PAK3: variants seen among roughly 807,000 people sequenced by gnomAD.
PAK3 encodes the protein serine/threonine-protein kinase PAK 3.
A neutral mutation model predicts 41.0 loss-of-function variants in PAK3; 4 were observed. The observed-to-expected ratio is 0.10, with a 90% CI of 0.05 to 0.22. The LOEUF (loss-of-function observed/expected upper bound fraction) is 0.22, where lower values mean the gene tolerates loss of function less well. PAK3 is among the 10% of genes least tolerant of loss of function. The pLI, the probability that PAK3 is intolerant of heterozygous loss-of-function variation, is 1.00. For missense variants in PAK3, 205 were observed against 409.9 expected, an observed-to-expected ratio of 0.50 and a Z score of 4.32; for synonymous variants, 146 against 139.6, an observed-to-expected ratio of 1.05 and a Z score of -0.32.
intron 1 of PAK3, among the ~76,000 whole-genome samples, chrX:111,000,408 C>A (rs907543778): frequency 2.7e-5 from 3 of 112,043 alleles, no homozygotes; most frequent in Non-Finnish European, 3.8e-5. Flanking sequence ...GCAGACAACA[C>A]CTGATTGAGG....
chrX:111,003,674 A>C (rs937474753), intron 1 of PAK3, among the ~76,000 whole-genome samples: 4 of 111,845 alleles, frequency 3.6e-5, no homozygotes, highest in African/African-American at 1.3e-4. Flanking sequence ...AATACATTTT[A>C]GCTGTGGGAG....
chrX:111,114,013 A>C (rs1249935505), intron 4 of PAK3, among the ~76,000 whole-genome samples: 1 of 111,853 alleles, frequency 8.9e-6, no homozygotes, highest in Non-Finnish European at 1.9e-5. Context: ...ATTTTTCTTA[A>C]TCCAGTCTAT....
At chrX:111,218,443 C>T (rs1469378866) in intron 17 of PAK3, among the ~76,000 whole-genome samples, 1 of 112,167 alleles carries the variant, frequency 8.9e-6, no homozygotes, top group Non-Finnish European at 1.9e-5. Context: ...TAGAGAAATA[C>T]TTCTGTTAGC....
chrX:110,952,350 GA>G (rs2090761283), intron 1 of PAK3, among the ~76,000 whole-genome samples: 1 of 111,401 alleles, frequency 9.0e-6, no homozygotes, highest in Admixed American at 9.6e-5. Flanking sequence ...GGGGAAACAT[GA>G]AAAAGTGGTG....
At chrX:111,090,006 T>C (rs1215744691) in intron 1 of PAK3, among the ~76,000 whole-genome samples, 1 of 110,653 alleles carries the variant, frequency 9.0e-6, no homozygotes, top group East Asian at 2.8e-4. Context: ...GAATTTCTAA[T>C]GTACCACAAA....
At chrX:111,023,093 C>T (rs1201030206) in intron 1 of PAK3, among the ~76,000 whole-genome samples, 1 of 110,810 alleles carries the variant, frequency 9.0e-6, no homozygotes, top group Non-Finnish European at 1.9e-5. Context: ...TCTCTGTGTC[C>T]ATGTGTTCTC....
At chrX:111,094,324 A>T (rs1194538063), upstream of PAK3, among the ~76,000 whole-genome samples, 1 of 111,987 alleles carries the variant, frequency 8.9e-6, no homozygotes. Flanking sequence ...GTAATACCAC[A>T]TTTAATTCTT....
chrX:111,014,265 G>A (rs1356294824), intron 1 of PAK3, among the ~76,000 whole-genome samples: 1 of 111,634 alleles, frequency 9.0e-6, no homozygotes, highest in East Asian at 2.8e-4. Flanking sequence ...TGTTGCAGTG[G>A]TGTTCAAAGT....
At chrX:111,019,530 C>CAAA (rs145174631) in intron 1 of PAK3, among the ~76,000 whole-genome samples, 5 of 74,957 alleles carry the variant, frequency 6.7e-5, no homozygotes, top group African/African-American at 9.9e-5. Flanking sequence ...ACCATCTTTA[C>CAAA]AAAAAAAAAA....
Position 111,078,768 on chromosome X carries a change from C to T in PAK3, c.-27-44309C>T, listed in dbSNP as rs763017100. 2.7e-5 allele frequency among the ~76,000 whole-genome samples: 3 copies of T among 111,929 alleles called. No homozygotes were observed. The East Asian group carries it at 8.5e-4, about 32-fold the overall frequency. On this transcript the variant is annotated intron_variant, in intron 1 of 14. Transcript: ENST00000425146. ...AAAGCCAAGATAGACCTAAGCTAGG[C>T]CTCTTGTACCAGTTATCCAAGTTAT...
At chrX:110,961,115 G>A (rs1391381402) in intron 1 of PAK3, among the ~76,000 whole-genome samples, 1 of 111,385 alleles carries the variant, frequency 9.0e-6, no homozygotes, top group Non-Finnish European at 1.9e-5. Flanking sequence ...GGGATGCTTA[G>A]AAACATACTG....
rs142502066 is a variant in PAK3 at position 111,209,058 on chromosome X, T to C, written c.1408-7363T>C. 4.7e-3 allele frequency among the ~76,000 whole-genome samples: 520 copies of C among 110,993 alleles called. 5 individuals are homozygous for C. Among genetic ancestry groups the C allele is most frequent in the African/African-American group, 0.016 (489 of 30,456 alleles). ...CCATTTCCAAACAGGTAGAGAATGA[T>C]TGACCTCAAGAGGACCCATTTCTTC... On this transcript the variant is annotated intron_variant, in intron 16 of 17. Coordinates refer to ENST00000372007, the MANE Select transcript of PAK3 (RefSeq NM_002578.5).
chrX:110,969,450 A>ATTTTTTTTTTT, intron 1 of PAK3, among the ~76,000 whole-genome samples: 1 of 47,364 alleles, frequency 2.1e-5, no homozygotes, highest in Non-Finnish European at 3.8e-5. Context: ...GACGTGGCTA[A>ATTTTTTTTTTT]TTTTTTTTTT....
chrX:111,174,303 G>A (rs1478736108), intron 11 of PAK3, among the ~76,000 whole-genome samples: 2 of 110,988 alleles, frequency 1.8e-5, no homozygotes, highest in Non-Finnish European at 3.8e-5. Flanking sequence ...TAGACGTTTG[G>A]GCTAGAGAAA....
At chrX:111,090,975 T>C (rs1376447604) in intron 1 of PAK3, among the ~76,000 whole-genome samples, 2 of 111,537 alleles carry the variant, frequency 1.8e-5, no homozygotes, top group Non-Finnish European at 3.8e-5. Context: ...GGAAGGAATA[T>C]ATAATATGAT....
chrX:111,056,194 A>G (rs144465924), intron 1 of PAK3, among the ~76,000 whole-genome samples: 1 of 111,566 alleles, frequency 9.0e-6, no homozygotes, highest in East Asian at 2.8e-4. Flanking sequence ...TGGAACCAGA[A>G]TGGTTGTGGA....
At chrX:110,977,226 G>C (rs2091356047) in intron 1 of PAK3, among the ~76,000 whole-genome samples, 1 of 109,307 alleles carries the variant, frequency 9.1e-6, no homozygotes, top group Admixed American at 9.9e-5. Context: ...ATATATATAA[G>C]ATATATATGT....
intron 1 of PAK3, among the ~76,000 whole-genome samples, chrX:110,974,397 A>C (rs1401292738): frequency 1.8e-5 from 2 of 112,316 alleles, no homozygotes; most frequent in Admixed American, 9.4e-5. Flanking sequence ...ACACCTTCCC[A>C]AGATTAAACC....
upstream of PAK3, among the ~76,000 whole-genome samples, chrX:111,093,985 G>T (rs1029358800): frequency 1.8e-5 from 2 of 111,538 alleles, no homozygotes; most frequent in Non-Finnish European, 3.8e-5. Context: ...ACAAATCAGA[G>T]ATGTTAACAT....
Sources: allele counts gnomAD v4.1 joint callset (sites outside exome capture counted in the v4.1 genomes callset), GRCh38; gene constraint gnomAD v4.1.1; transcripts MANE v1.5; gene names NCBI Gene and HGNC (gene_info 2026-07-23, HGNC 2026-07-21).